DPH6: variants seen among roughly 807,000 people sequenced by gnomAD.
DPH6 encodes the protein diphthamine biosynthesis 6.
DPH6 carries 33 observed loss-of-function variants against 38.2 expected under a neutral mutation model. That is an observed-to-expected ratio of 0.86 (90% CI 0.65 to 1.15). The LOEUF is 1.15. Among genes scored for constraint, DPH6 ranks in the 50% most tolerant of loss-of-function variants. The pLI is 0.00. For synonymous variants in DPH6, 108 were observed against 103.0 expected (o/e 1.05, Z -0.30); for missense variants, 325 against 320.0 (o/e 1.02, Z -0.12).
chr15:35,501,150 G>C (rs769257438), intron 3 of DPH6, among the ~76,000 whole-genome samples: 1 of 151,988 alleles, frequency 6.6e-6, no homozygotes, highest in African/African-American at 2.4e-5. Context: ...CCATCTCATC[G>C]AAATTTCTCT....
At chr15:35,297,034 A>G (rs911682378) in intron 3 of DPH6, among the ~76,000 whole-genome samples, 1 of 152,168 alleles carries the variant, frequency 6.6e-6, no homozygotes, top group Non-Finnish European at 1.5e-5. Flanking sequence ...TAGGATCACA[A>G]TAGAATTATC....
intron 3 of DPH6, among the ~76,000 whole-genome samples, chr15:35,293,338 G>C (rs1473908842): frequency 6.6e-6 from 1 of 152,040 alleles, no homozygotes; most frequent in Admixed American, 6.6e-5. Flanking sequence ...ACCTAAACCG[G>C]AACTATTTTC....
At chr15:35,436,087 C>A (rs1376536219) in intron 5 of DPH6, among the ~76,000 whole-genome samples, 2 of 152,080 alleles carry the variant, frequency 1.3e-5, no homozygotes, top group African/African-American at 2.4e-5. Context: ...CCCTGCACGT[C>A]CAGCTGAGCA....
chr15:35,262,248 T>C (rs770545996), intron 3 of DPH6, among the ~76,000 whole-genome samples: 8 of 152,204 alleles, frequency 5.3e-5, no homozygotes, highest in Non-Finnish European at 2.9e-5. Flanking sequence ...ATTTAAAAAG[T>C]GGTATCACAA....
chr15:35,310,208 C>A (rs1169250112), intron 3 of DPH6, among the ~76,000 whole-genome samples: 1 of 152,138 alleles, frequency 6.6e-6, no homozygotes, highest in Non-Finnish European at 1.5e-5. Flanking sequence ...GGATTCATTT[C>A]ACAAAAATGG....
downstream of DPH6, among the ~76,000 whole-genome samples, chr15:35,366,228 T>TTGCGTGTGTGTG (rs376724959): frequency 1.4e-5 from 2 of 144,262 alleles, no homozygotes; most frequent in African/African-American, 5.2e-5. Context: ...TTTAGTCATC[T>TTGCGTGTGTGTG]TGTGTGTGTG....
intron 6 of DPH6, chr15:35,401,837 T>C: frequency 1.9e-6 from 1 of 534,536 alleles, no homozygotes; most frequent in Non-Finnish European, 3.5e-6. Flanking sequence ...CTACAGGTTA[T>C]AACAGATTTG....
At chr15:35,389,674 T>G (rs1437361729) in intron 6 of DPH6, among the ~76,000 whole-genome samples, 1 of 152,184 alleles carries the variant, frequency 6.6e-6, no homozygotes, top group Non-Finnish European at 1.5e-5. Context: ...CCCTGCCTTT[T>G]TTTGTTTTCG....
the DPH6 span, among the ~76,000 whole-genome samples, chr15:35,161,053 A>G: frequency 4.6e-5 from 7 of 151,948 alleles, no homozygotes; most frequent in Non-Finnish European, 1.0e-4. Context: ...TGACGAGTTA[A>G]TGGGTGCAGC....
At chr15:35,381,994 A>C in intron 6 of DPH6, 78 bp from the exon 7 acceptor site, 1 of 1,026,370 alleles carries the variant, frequency 9.7e-7, no homozygotes, top group Non-Finnish European at 1.5e-6. Flanking sequence ...CTGGTACTAA[A>C]AAATCCATAC....
At position 35,295,962 on chromosome 15, in the gene DPH6, C is replaced by CA. The variant is rs1433366678; in HGVS notation, n.201-75381dup. Among the ~76,000 whole-genome samples the CA allele has an allele frequency of 5.3e-5, 8 of 151,036 alleles. No homozygotes were observed. The East Asian group carries it at 1.6e-3, about 30-fold the overall frequency. ...TTTGAGATAGAGTCTCGCTCTATCT[C>CA]AAAAATAAAGCACTCCAGGCAGGCT... On this transcript the variant is annotated intron_variant and non_coding_transcript_variant, in intron 3 of 3. Coordinates refer to the DPH6 transcript ENST00000560386.
intron 3 of DPH6, among the ~76,000 whole-genome samples, chr15:35,270,210 A>G (rs945794812): frequency 1.3e-5 from 2 of 152,236 alleles, no homozygotes; most frequent in Non-Finnish European, 2.9e-5. Context: ...ATTGGCACCA[A>G]TTAGGAAAAT....
intron 3 of DPH6, chr15:35,489,685 T>C: frequency 2.1e-6 from 2 of 971,614 alleles, no homozygotes; most frequent in Non-Finnish European, 2.4e-6. Flanking sequence ...CAGAATAAGA[T>C]CTCTTTTGTC....
At chr15:35,467,648 A>G (rs1461951010) in intron 3 of DPH6, among the ~76,000 whole-genome samples, 1 of 152,188 alleles carries the variant, frequency 6.6e-6, no homozygotes. Flanking sequence ...GTTATCAGTA[A>G]CACTGTCTTC....
intron 3 of DPH6, among the ~76,000 whole-genome samples, chr15:35,537,586 A>C (rs1000994478): frequency 1.3e-5 from 2 of 152,102 alleles, no homozygotes; most frequent in Admixed American, 6.6e-5. Flanking sequence ...CCTAGAAATT[A>C]ATCAGTGCAA....
chr15:35,395,620 T>C (rs1017991366), intron 6 of DPH6, among the ~76,000 whole-genome samples: 1 of 152,168 alleles, frequency 6.6e-6, no homozygotes, highest in Non-Finnish European at 1.5e-5. Context: ...CCACGACCCA[T>C]GTAGATTTCA....
Position 35,239,052 on chromosome 15 carries a change from C to T in DPH6, n.201-18470G>A, listed in dbSNP as rs1461324451. On this transcript the variant is annotated intron_variant and non_coding_transcript_variant, in intron 3 of 3. Coordinates refer to the DPH6 transcript ENST00000560386. ...CTGTTTGGTGGTCTCTTCACACGGA[C>T]GTGCATGAAATTTGGTGCTGTGACA... is the stretch of plus-strand genomic sequence containing the variant. Among the ~76,000 whole-genome samples, 9 of 144,454 alleles carry T rather than the reference C, an allele frequency of 6.2e-5. 1 individual carries two copies. The highest frequency in any genetic ancestry group is 1.0e-4 in the African/African-American group (4 of 39,960). 94.8% of individuals were successfully genotyped at this position (144,454 alleles called of 152,430 possible). A position where few individuals can be genotyped will look rare whatever the true frequency, so the allele number is the denominator to read the frequency against.
chr15:35,467,151 A>G (rs2054137044), intron 3 of DPH6, among the ~76,000 whole-genome samples: 3 of 152,216 alleles, frequency 2.0e-5, no homozygotes, highest in African/African-American at 7.2e-5. Context: ...TCTTTGTAAT[A>G]ACACTTGGAT....
At chr15:35,534,050 GA>G (rs1316707585) in intron 3 of DPH6, among the ~76,000 whole-genome samples, 1 of 151,850 alleles carries the variant, frequency 6.6e-6, no homozygotes, top group Non-Finnish European at 1.5e-5. Context: ...ACATGAAAGA[GA>G]AGAAAACTAA....
Sources: allele counts gnomAD v4.1 joint callset (sites outside exome capture counted in the v4.1 genomes callset), GRCh38; gene constraint gnomAD v4.1.1; transcripts MANE v1.5; gene names NCBI Gene and HGNC (gene_info 2026-07-23, HGNC 2026-07-21).